Variants in NTRK3 observed in about 807,000 individuals in gnomAD.
NTRK3 encodes the protein NT-3 growth factor receptor.
NTRK3 carries 24 observed loss-of-function variants against 91.7 expected under a neutral mutation model. The observed-to-expected ratio is 0.26, with a 90% confidence interval of 0.19 to 0.37. The LOEUF is 0.37. Ranked by LOEUF, NTRK3 falls within the 10% of genes least tolerant of loss-of-function variation. The pLI is 1.00. For synonymous variants in NTRK3, 483 were observed against 404.0 expected (o/e 1.20, Z -2.34); for missense variants, 880 against 1,068.9 (o/e 0.82, Z 2.46).
At chr15:87,905,153 T>C (rs1195674727) in intron 17 of NTRK3, among the ~76,000 whole-genome samples, 1 of 152,204 alleles carries the variant, frequency 6.6e-6, no homozygotes, top group Non-Finnish European at 1.5e-5. Flanking sequence ...CCTTGCCAAA[T>C]GACAAGAGTA....
intron 13 of NTRK3, 131 bp from the exon 14 acceptor site, chr15:88,033,176 T>TTTTATATA (rs1555473120): frequency 3.1e-5 from 6 of 196,060 alleles, no homozygotes; most frequent in African/African-American, 1.8e-4. Context: ...GGGGGGTGTG[T>TTTTATATA]TATATATATA....
chr15:88,247,043 A>G (rs951953501), intron 3 of NTRK3, among the ~76,000 whole-genome samples: 5 of 152,204 alleles, frequency 3.3e-5, no homozygotes, highest in African/African-American at 9.7e-5. Context: ...AAATCTTTTA[A>G]GGTCTGTTTA....
At chr15:88,060,383 C>CAAA (rs11289394) in intron 13 of NTRK3, among the ~76,000 whole-genome samples, 1 of 86,322 alleles carries the variant, frequency 1.2e-5, no homozygotes, top group African/African-American at 4.3e-5. Flanking sequence ...GACTCCATCT[C>CAAA]AAAAAAAAAA....
At chr15:87,945,085 G>A (rs2070318942) in intron 14 of NTRK3, among the ~76,000 whole-genome samples, 1 of 152,204 alleles carries the variant, frequency 6.6e-6, no homozygotes, top group Non-Finnish European at 1.5e-5. Flanking sequence ...TGGAAGGGGA[G>A]GCAGGGAGGG....
intron 13 of NTRK3, among the ~76,000 whole-genome samples, chr15:88,085,167 A>T (rs917492651): frequency 2.0e-5 from 3 of 152,218 alleles, no homozygotes; most frequent in Non-Finnish European, 4.4e-5. Flanking sequence ...CTACGTTGAG[A>T]AACAGGCTGA....
chr15:87,926,401 C>T (rs1013764945), intron 17 of NTRK3, among the ~76,000 whole-genome samples: 1 of 152,174 alleles, frequency 6.6e-6, no homozygotes, highest in Non-Finnish European at 1.5e-5. Context: ...TAAGAGTTAT[C>T]CTTTTTTGTT....
At chr15:87,887,433 A>G (rs900514183) in intron 17 of NTRK3, among the ~76,000 whole-genome samples, 4 of 152,220 alleles carry the variant, frequency 2.6e-5, no homozygotes, top group Admixed American at 6.5e-5. Flanking sequence ...TCAAAATAAG[A>G]GTGAAGCAAC....
rs1000018833 is a variant in NTRK3, at chr15:88,236,779, A to C, written c.248+19127T>G. Among the ~76,000 whole-genome samples, 32 of 151,008 alleles carry C rather than the reference A, an allele frequency of 2.1e-4. 1 individual carries two copies. Among genetic ancestry groups the C allele is most frequent in the Admixed American group, 1.3e-3 (19 of 15,186 alleles). On this transcript the variant is annotated intron_variant, in intron 3 of 18. Coordinates refer to ENST00000394480, the Ensembl canonical transcript of NTRK3. ...AAAGCTACCAAAATTAAAAAAAAAA[A>C]AAAAAAAAAACACTACTCTCAAAAG...
rs1409628525 is a variant in NTRK3, at chr15:88,046,851, G to A, written c.1397-13806C>T. Among the ~76,000 whole-genome samples the A allele has an allele frequency of 2.6e-5, 4 of 152,138 alleles. No homozygotes were observed. The East Asian group carries it at 7.7e-4, about 29-fold the overall frequency. ...ACAGCGCTGCAGCAGGAATGGCGAG[G>A]GTACAGAGGGTCGATTGATTTTCAG... On this transcript the variant is annotated intron_variant, in intron 13 of 18. Transcript: ENST00000394480.
At chr15:88,111,895 T>G (rs924049326) in intron 13 of NTRK3, among the ~76,000 whole-genome samples, 9 of 112,660 alleles carry the variant, frequency 8.0e-5, no homozygotes, top group Non-Finnish European at 1.5e-4. Context: ...TTTCTGGTTT[T>G]TTTTTTGTTT....
At chr15:87,961,064 G>A (rs1483582489) in intron 14 of NTRK3, among the ~76,000 whole-genome samples, 1 of 152,234 alleles carries the variant, frequency 6.6e-6, no homozygotes, top group Admixed American at 6.5e-5. Flanking sequence ...TTCACAGTCT[G>A]ACTAATGCCT....
At chr15:87,889,151 T>C (rs996079591) in intron 17 of NTRK3, among the ~76,000 whole-genome samples, 1 of 152,176 alleles carries the variant, frequency 6.6e-6, no homozygotes, top group Non-Finnish European at 1.5e-5. Context: ...TGTGGATCCC[T>C]GGGCAAGTCA....
chr15:88,147,208 C>T, intron 6 of NTRK3, 127 bp downstream of exon 6: 2 of 877,172 alleles, frequency 2.3e-6, no homozygotes, highest in South Asian at 1.4e-5. Context: ...TCTGTGTCAA[C>T]CAACCCAAGT....
At chr15:87,989,228 C>T (rs1419455995) in intron 14 of NTRK3, among the ~76,000 whole-genome samples, 1 of 152,086 alleles carries the variant, frequency 6.6e-6, no homozygotes, top group Non-Finnish European at 1.5e-5. Context: ...TTACTATTCA[C>T]AATAGTGAAG....
intron 14 of NTRK3, among the ~76,000 whole-genome samples, chr15:87,995,239 C>T (rs965365943): frequency 3.3e-5 from 5 of 152,170 alleles, no homozygotes; most frequent in Admixed American, 1.3e-4. Flanking sequence ...CCTTAGCCCT[C>T]ACAGATCTCA....
chr15:87,878,197 T>C (rs1248482757), intron 18 of NTRK3, among the ~76,000 whole-genome samples: 3 of 152,182 alleles, frequency 2.0e-5, no homozygotes, highest in African/African-American at 7.2e-5. Context: ...ATGATAAAAA[T>C]ACAAAGAATA....
At chr15:87,975,299 A>G (rs139322348) in intron 14 of NTRK3, among the ~76,000 whole-genome samples, 1 of 152,154 alleles carries the variant, frequency 6.6e-6, no homozygotes, top group East Asian at 1.9e-4. Flanking sequence ...GGTACAGTTG[A>G]GTTTCTCATT....
intron 14 of NTRK3, among the ~76,000 whole-genome samples, chr15:88,010,845 T>C (rs1326538440): frequency 6.6e-6 from 1 of 152,016 alleles, no homozygotes; most frequent in African/African-American, 2.4e-5. Flanking sequence ...CACATCTCCG[T>C]GTGCCTAACT....
At chr15:88,062,520 T>A (rs1164183982) in intron 13 of NTRK3, among the ~76,000 whole-genome samples, 3 of 152,104 alleles carry the variant, frequency 2.0e-5, no homozygotes, top group African/African-American at 4.8e-5. Context: ...CTCCTGCACA[T>A]GAAATGCTGA....
Sources: gnomAD v4.1 joint callset for allele counts (sites outside exome capture counted in the v4.1 genomes callset) on GRCh38, gnomAD v4.1.1 for gene constraint, MANE v1.5 for transcripts, NCBI Gene and HGNC (gene_info 2026-07-23, HGNC 2026-07-21) for gene names.